Variants in SPTAN1 observed in about 807,000 individuals in gnomAD.
SPTAN1 encodes spectrin alpha chain, non-erythrocytic 1.
In SPTAN1, 61 loss-of-function variants were observed where a neutral mutation model predicts 331.3. That is an observed-to-expected ratio of 0.18 (90% CI 0.15 to 0.23). The LOEUF is 0.23. SPTAN1 is among the 10% of genes least tolerant of loss of function. The pLI, the probability that SPTAN1 is intolerant of heterozygous loss-of-function variation, is 1.00. For synonymous variants in SPTAN1, 1,153 were observed against 1,173.9 expected (o/e 0.98, Z 0.36); for missense variants, 2,043 against 3,147.9 (o/e 0.65, Z 8.40).
At chr9:128,578,328 G>A in intron 9 of SPTAN1, 83 bp downstream of exon 9, 1 of 1,558,730 alleles carries the variant, frequency 6.4e-7, no homozygotes, top group Non-Finnish European at 8.8e-7. Flanking sequence ...GAGGCCTATA[G>A]TCGGCGTTGG....
intron 30 of SPTAN1, 43 bp from the exon 31 acceptor site, chr9:128,605,253 A>C: frequency 6.2e-7 from 1 of 1,614,084 alleles, no homozygotes; most frequent in Non-Finnish European, 8.5e-7. Context: ...TCTGCAGAGC[A>C]TACCCCCTTA....
chr9:128,599,826 T>G (rs1854845466), intron 26 of SPTAN1: 1 of 544,116 alleles, frequency 1.8e-6, no homozygotes, highest in Non-Finnish European at 3.3e-6. Flanking sequence ...CTTATTAAAT[T>G]TCTTTATTCT....
At chr9:128,603,463 T>C (rs1855431437) in intron 27 of SPTAN1, 80 bp from the exon 28 acceptor site, 12 of 1,524,814 alleles carry the variant, frequency 7.9e-6, no homozygotes, top group South Asian at 1.1e-5. Context: ...CACAGGGACC[T>C]AATCAATGAC....
chr9:128,567,670 TAAGTACTTA>T (rs1465557305), intron 2 of SPTAN1, among the ~76,000 whole-genome samples: 1 of 152,228 alleles, frequency 6.6e-6, no homozygotes, highest in African/African-American at 2.4e-5. Flanking sequence ...TATCAAAGAA[TAAGTACTTA>T]AAGTTATGAG....
At chr9:128,582,651 G>A in intron 13 of SPTAN1, 43 bp from the exon 14 acceptor site, 1 of 1,611,316 alleles carries the variant, frequency 6.2e-7, no homozygotes, top group African/African-American at 1.3e-5. Context: ...ATATCCCTTT[G>A]GGAGTGAACA....
intron 1 of SPTAN1, among the ~76,000 whole-genome samples, chr9:128,554,680 C>T (rs1420103198): frequency 1.3e-5 from 2 of 152,236 alleles, no homozygotes; most frequent in Admixed American, 6.5e-5. Context: ...TGCAGCATAT[C>T]AGCTGCGGCT....
At chr9:128,568,372 T>TG (rs1850277842) in intron 2 of SPTAN1, among the ~76,000 whole-genome samples, 1 of 152,144 alleles carries the variant, frequency 6.6e-6, no homozygotes, top group African/African-American at 2.4e-5. Context: ...TGAATATGGA[T>TG]GGATTTTTCA....
intron 2 of SPTAN1, among the ~76,000 whole-genome samples, chr9:128,567,501 A>T (rs976062435): frequency 1.3e-5 from 2 of 152,120 alleles, no homozygotes; most frequent in African/African-American, 2.4e-5. Context: ...CATGTTGGCC[A>T]GGCTGGTCTT....
At chr9:128,562,223 C>T (rs1483172597) in intron 1 of SPTAN1, among the ~76,000 whole-genome samples, 6 of 152,152 alleles carry the variant, frequency 3.9e-5, no homozygotes, top group Admixed American at 1.3e-4. Context: ...CTGCCTCAGC[C>T]TCCCGAGTAG....
In SPTAN1 at chr9:128,598,658, T is replaced by A. The variant is rs1270193365; in HGVS notation, c.3519+154T>A. On this transcript the variant is annotated intron_variant, in intron 25 of 56. Transcript: ENST00000372739. ...CTCTATGTGACCAAAACCATTTTGA[T>A]TAACTTCTTTATACCCATATCCCTC... 6.8e-6 allele frequency: 5 copies of A among 739,226 alleles called. No homozygotes were observed. The Admixed American group carries it at 1.0e-4, about 15-fold the overall frequency. The allele number at this position is 739,226 out of a possible 1,614,324, so 45.8% of individuals were successfully genotyped here. A position where few individuals can be genotyped will look rare whatever the true frequency, so the allele number is the denominator to read the frequency against.
chr9:128,577,632 A>T lies in SPTAN1; in HGVS notation c.1085+126A>T. ...CAGGTATCACCTACAAATGCAAATCACTTCTTACCTATGTTCTCTCTGTTT... is the reference window on the plus strand; with the variant it reads ...CAGGTATCACCTACAAATGCAAATCTCTTCTTACCTATGTTCTCTCTGTTT... On this transcript the variant is annotated intron_variant, in intron 8 of 56. Transcript: ENST00000372739. The surrounding 1 kb of genome is among the most constrained non-coding windows in gnomAD (Gnocchi z 4.2). 1 of 1,262,992 alleles carries T rather than the reference A, an allele frequency of 7.9e-7. No homozygotes were observed. Among genetic ancestry groups the T allele is most frequent in the Non-Finnish European group, 1.1e-6 (1 of 877,528 alleles). The allele number at this position is 1,262,992 out of a possible 1,614,324, so 78.2% of individuals were successfully genotyped here.
chr9:128,621,454 A>G (rs139237046), intron 45 of SPTAN1, among the ~76,000 whole-genome samples, 198 bp downstream of exon 45: 1 of 152,238 alleles, frequency 6.6e-6, no homozygotes, highest in African/African-American at 2.4e-5. Flanking sequence ...GTTATTCTGC[A>G]GTGCTTATTT....
chr9:128,578,835 G>GAAA (rs10600950), intron 9 of SPTAN1, among the ~76,000 whole-genome samples: 4 of 119,232 alleles, frequency 3.4e-5, no homozygotes, highest in East Asian at 2.3e-4. Flanking sequence ...CTGTCTCAAA[G>GAAA]AAAAAAAAAA....
intron 1 of SPTAN1, among the ~76,000 whole-genome samples, chr9:128,563,508 C>G (rs1030718478): frequency 1.5e-4 from 23 of 152,160 alleles, no homozygotes; most frequent in Non-Finnish European, 3.2e-4. Flanking sequence ...TAGGTTGACA[C>G]CTAGTTGTGT....
At position 128,578,204 on chromosome 9, in the gene SPTAN1, G is replaced by C; in HGVS notation, c.1180G>C (p.Ala394Pro). The change falls in exon 9 of 57, where the codon GCT becomes CCT. Residue 394 changes from alanine to proline, a missense_variant. Physicochemically the swap from Ala to Pro is conservative, Grantham distance 27. Around this residue, in one of 12 missense-constraint regions of SPTAN1, gnomAD observed 1,038 missense variants for 1,531.5 expected, o/e 0.68. Transcript: ENST00000372739. ...INADELASDV[A>P]GAEALLDRHQ... ...TGCAGATGAGCTTGCCAGTGATGTG[G>C]CTGGGGCTGAAGCCCTGCTAGATAG... is the stretch of plus-strand genomic sequence containing the variant. 6.2e-7 allele frequency: 1 copy of C among 1,614,170 alleles called. No homozygotes were observed. Among genetic ancestry groups the C allele is most frequent in the Non-Finnish European group, 8.5e-7 (1 of 1,180,042 alleles).
At position 128,627,833 on chromosome 9, in the gene SPTAN1, TTTC is replaced by T; in HGVS notation, c.6690-89_6690-87del. The T allele has an allele frequency of 4.0e-6, 6 of 1,503,660 alleles. No homozygotes were observed. Among genetic ancestry groups the T allele is most frequent in the Non-Finnish European group, 5.6e-6 (6 of 1,079,538 alleles). 93.1% of individuals were successfully genotyped at this position (1,503,660 alleles called of 1,614,324 possible). A position where few individuals can be genotyped will look rare whatever the true frequency, so the allele number is the denominator to read the frequency against. On this transcript the variant is annotated intron_variant, in intron 50 of 56. Transcript: ENST00000372739. This position sits in a 1 kb window ranked among gnomAD's most constrained non-coding sequence, Gnocchi z 4.9. ...ACTGATGTTCTTGCTTTTGTTTTCC[TTTC>T]TTTCTTGTGTCTTCTCTCTGTCCCC...
chr9:128,555,273 T>C, intron 1 of SPTAN1: 1 of 1,034,986 alleles, frequency 9.7e-7, no homozygotes, highest in Non-Finnish European at 1.3e-6. Context: ...ATTTTTTAAA[T>C]AATCTGTTTT....
In SPTAN1 at chr9:128,598,967, T is replaced by A; in HGVS notation, c.3524T>A (p.Val1175Glu). The A allele has an allele frequency of 6.2e-7, 1 of 1,613,952 alleles. No individual in the cohort carries two copies. ...GGTTTCTCTCTCTCCTTGTAGGAAG[T>A]GTATGGCATGATGCCCAGGGTAAGT... ...EEVQAVQQQEVYGMMPRDETD... is the reference protein window; with the variant it reads ...EEVQAVQQQEEYGMMPRDETD... The change falls in exon 26 of 57, where the codon GTG becomes GAG. Residue 1175 changes from valine to glutamate, a missense_variant. Physicochemically the swap from Val to Glu is moderately radical, Grantham distance 121. This residue lies in a region of SPTAN1 where 1,038 missense variants were observed against 1,531.5 expected (regional missense o/e 0.68). Coordinates refer to ENST00000372739, the MANE Select transcript of SPTAN1 (RefSeq NM_001130438.3).
rs759866080 is a variant in SPTAN1 at position 128,627,980 on chromosome 9, TG to T, written c.6707+43del. 3.3e-5 allele frequency: 54 copies of T among 1,613,822 alleles called. No individual in the cohort carries two copies. The highest frequency in any genetic ancestry group is 4.4e-5 in the Non-Finnish European group (52 of 1,179,838). ...TTCTTCCTTCTCTGGGCTTGTCATGTGGGGGTCTCGTGCGCTTGCCCCTCGT... is the reference window on the plus strand; with the variant it reads ...TTCTTCCTTCTCTGGGCTTGTCATGTGGGGTCTCGTGCGCTTGCCCCTCGT... On this transcript the variant is annotated intron_variant, in intron 51 of 56. Coordinates refer to ENST00000372739, the MANE Select transcript of SPTAN1 (RefSeq NM_001130438.3). This position sits in a 1 kb window ranked among gnomAD's most constrained non-coding sequence, Gnocchi z 4.9.
Sources: gnomAD v4.1 joint callset for allele counts (sites outside exome capture counted in the v4.1 genomes callset) on GRCh38, gnomAD v4.1.1 for gene constraint, gnomAD v4.1.1 regional missense constraint, Gnocchi (gnomAD v3.1) non-coding constraint, MANE v1.5 for transcripts, NCBI Gene and HGNC (gene_info 2026-07-23, HGNC 2026-07-21) for gene names.